PCDHGB6: variants seen among roughly 807,000 people sequenced by gnomAD.
PCDHGB6 encodes the protein protocadherin gamma subfamily B, 6, also known as protocadherin gamma-B6.
PCDHGB6 carries 51 observed loss-of-function variants against 59.1 expected under a neutral mutation model. The ratio of observed to expected loss-of-function variants is 0.86; its 90% CI spans 0.69 to 1.09. The LOEUF (loss-of-function observed/expected upper bound fraction) is 1.09, where lower values mean the gene tolerates loss of function less well. Ranked by LOEUF, PCDHGB6 falls within the 50% of genes least tolerant of loss-of-function variation. PCDHGB6 has a pLI of 0.00. For synonymous variants in PCDHGB6, 466 were observed against 495.1 expected (o/e 0.94, Z 0.78); for missense variants, 1,148 against 1,205.1 (o/e 0.95, Z 0.70).
Position 141,414,015 on chromosome 5 carries a change from A to T in PCDHGB6, c.2418+3395A>T. ...ACAGGGACGAAGGTGCCAATGGAGA[A>T]GTGACATATTCATTCCGAAAATTAC... On this transcript the variant is annotated intron_variant, in intron 1 of 3. Coordinates refer to ENST00000520790, the MANE Select transcript of PCDHGB6 (RefSeq NM_018926.3). 6.2e-7 allele frequency: 1 copy of T among 1,613,160 alleles called. No individual in the cohort carries two copies.
intron 3 of PCDHGB6, 149 bp downstream of exon 3, chr5:141,505,630 A>T: frequency 6.8e-7 from 1 of 1,480,262 alleles, no homozygotes; most frequent in East Asian, 2.4e-5. Flanking sequence ...AATTCCAAAC[A>T]TAAAGCCTGG....
At chr5:141,430,767 C>T in intron 1 of PCDHGB6, 1 of 1,506,782 alleles carries the variant, frequency 6.6e-7, no homozygotes, top group Non-Finnish European at 8.9e-7. Flanking sequence ...AGAATGATTC[C>T]TGCGCGACTG....
chr5:141,506,177 G>T (rs1024892091), intron 3 of PCDHGB6, among the ~76,000 whole-genome samples: 4 of 152,142 alleles, frequency 2.6e-5, no homozygotes, highest in African/African-American at 9.7e-5. Context: ...TAAGCTGGGC[G>T]TGGTGGCTCA....
At chr5:141,442,466 A>T (rs1270035223) in intron 1 of PCDHGB6, 1 of 152,254 alleles carries the variant, frequency 6.6e-6, no homozygotes, top group African/African-American at 2.4e-5. Flanking sequence ...TTCACTGCAG[A>T]AAGCCCCTTG....
At position 141,413,202 on chromosome 5, in the gene PCDHGB6, GGAATC is replaced by G. The variant is rs766359797; in HGVS notation, c.2418+2583_2418+2587del. 6.8e-6 allele frequency: 11 copies of G among 1,611,944 alleles called. No homozygotes were observed. The East Asian group carries it at 2.2e-4, about 33-fold the overall frequency. On this transcript the variant is annotated intron_variant, in intron 1 of 3. Coordinates refer to ENST00000520790, the MANE Select transcript of PCDHGB6 (RefSeq NM_018926.3). ...TGGCCGCTCAAAGGAATCGCTCAAAGGAATCAAAGGATTGCAGCGGGCTGGTCCTG... is the reference window on the plus strand; with the variant it reads ...TGGCCGCTCAAAGGAATCGCTCAAAGAAAGGATTGCAGCGGGCTGGTCCTG...
chr5:141,491,794 TCCGG>T lies in PCDHGB6; in HGVS notation c.2419-3007_2419-3004del. The T allele has an allele frequency of 6.6e-7, 1 of 1,511,056 alleles. No homozygotes were observed. The highest frequency in any genetic ancestry group is 8.8e-7 in the Non-Finnish European group (1 of 1,130,146). 93.6% of individuals were successfully genotyped at this position (1,511,056 alleles called of 1,614,324 possible). A position where few individuals can be genotyped will look rare whatever the true frequency, so the allele number is the denominator to read the frequency against. Reference sequence around the variant, plus strand: ...GGGATTGAACTTGCATCCACTCCTCTCCGGCCGGCTTGGTCGCTGGCTGCGCTCC... The same window carrying T: ...GGGATTGAACTTGCATCCACTCCTCTCCGGCTTGGTCGCTGGCTGCGCTCC... On this transcript the variant is annotated intron_variant, in intron 1 of 3. Transcript: ENST00000520790. The surrounding 1 kb of genome is among the most constrained non-coding windows in gnomAD (Gnocchi z 6.9).
intron 1 of PCDHGB6, chr5:141,427,689 A>C (rs3749765): frequency 0.15 from 132,103 of 873,882 alleles, 11,769 homozygotes; most frequent in African/African-American, 0.33. Flanking sequence ...CGGAGCCTCC[A>C]TCCCACAAGT....
At chr5:141,413,344 G>A in intron 1 of PCDHGB6, 1 of 1,613,986 alleles carries the variant, frequency 6.2e-7, no homozygotes. Context: ...CAAGGACTTG[G>A]GTCTGGCGCC....
At position 141,491,681 on chromosome 5, in the gene PCDHGB6, C is replaced by T; in HGVS notation, c.2419-3126C>T. 6.2e-6 allele frequency: 10 copies of T among 1,613,458 alleles called. No homozygotes were observed. Among genetic ancestry groups the T allele is most frequent in the Non-Finnish European group, 8.5e-6 (10 of 1,179,804 alleles). On this transcript the variant is annotated intron_variant, in intron 1 of 3. Transcript: ENST00000520790. The surrounding 1 kb of genome is among the most constrained non-coding windows in gnomAD (Gnocchi z 6.9). ...GACGCCATCCGGTCCCGCTCTAATA[C>T]GCTGCGGGAGCGGAGCCAGGTGAGG...
Position 141,490,202 on chromosome 5 carries a change from G to A in PCDHGB6, c.2419-4605G>A, listed in dbSNP as rs1594889134. On this transcript the variant is annotated intron_variant, in intron 1 of 3. Coordinates refer to ENST00000520790, the MANE Select transcript of PCDHGB6 (RefSeq NM_018926.3). The surrounding 1 kb of genome is among the most constrained non-coding windows in gnomAD (Gnocchi z 5.4). ...TCACGTTTCTATGAAATTCATGCAA[G>A]AGCCCGTGACCAGGGACAGCCTGCC... 1.2e-6 allele frequency: 2 copies of A among 1,614,220 alleles called. No homozygotes were observed. The highest frequency in any genetic ancestry group is 2.7e-5 in the African/African-American group (2 of 75,060).
At chr5:141,460,795 G>A (rs1007673184) in intron 1 of PCDHGB6, among the ~76,000 whole-genome samples, 3 of 151,492 alleles carry the variant, frequency 2.0e-5, no homozygotes, top group African/African-American at 4.9e-5. Flanking sequence ...TACACACAAA[G>A]TATATATATG....
At chr5:141,478,603 A>C (rs116528962) in intron 1 of PCDHGB6, 173 of 1,563,096 alleles carry the variant, frequency 1.1e-4, no homozygotes, top group Non-Finnish European at 1.4e-4. Context: ...CCTACATCAT[A>C]TTGAGGAAGG....
At chr5:141,488,565 C>T (rs1308485284) in intron 1 of PCDHGB6, among the ~76,000 whole-genome samples, 1 of 152,174 alleles carries the variant, frequency 6.6e-6, no homozygotes, top group Non-Finnish European at 1.5e-5. Flanking sequence ...GAGATTTCCG[C>T]AAAGCATTGC....
intron 2 of PCDHGB6, among the ~76,000 whole-genome samples, chr5:141,497,522 G>A (rs998999424): frequency 3.3e-5 from 5 of 150,848 alleles, no homozygotes; most frequent in African/African-American, 4.9e-5. Flanking sequence ...TAGTTAACTT[G>A]TGGAGGATGC....
At position 141,431,918 on chromosome 5, in the gene PCDHGB6, C is replaced by T; in HGVS notation, c.2418+21298C>T. On this transcript the variant is annotated intron_variant, in intron 1 of 3. Transcript: ENST00000520790. This position sits in a 1 kb window ranked among gnomAD's most constrained non-coding sequence, Gnocchi z 4.8. Reference sequence around the variant, plus strand: ...AAACGGACAGGTGATCTGTTTCATCCAAGGAAATCTGCCCTTTAAATTAGA... The same window carrying T: ...AAACGGACAGGTGATCTGTTTCATCTAAGGAAATCTGCCCTTTAAATTAGA... The T allele has an allele frequency of 6.2e-7, 1 of 1,613,998 alleles. No individual in the cohort carries two copies. The highest frequency in any genetic ancestry group is 8.5e-7 in the Non-Finnish European group (1 of 1,179,862).
chr5:141,451,330 T>C (rs1335156581), intron 1 of PCDHGB6, among the ~76,000 whole-genome samples: 2 of 152,200 alleles, frequency 1.3e-5, no homozygotes, highest in East Asian at 1.9e-4. Context: ...CCTAAGGCTA[T>C]TGTCTTATCT....
At chr5:141,414,358 C>T (rs1414747968) in intron 1 of PCDHGB6, 1 of 1,613,818 alleles carries the variant, frequency 6.2e-7, no homozygotes, top group Non-Finnish European at 8.5e-7. Context: ...GGCGTATCTA[C>T]CATTTAAATT....
rs771681529 is a variant in PCDHGB6 at position 141,486,617 on chromosome 5, C to T, written c.2419-8190C>T. The T allele has an allele frequency of 1.2e-6, 2 of 1,613,602 alleles. No individual in the cohort carries two copies. Among genetic ancestry groups the T allele is most frequent in the Non-Finnish European group, 1.7e-6 (2 of 1,180,036 alleles). On this transcript the variant is annotated intron_variant, in intron 1 of 3. Coordinates refer to ENST00000520790, the MANE Select transcript of PCDHGB6 (RefSeq NM_018926.3). The surrounding 1 kb of genome is among the most constrained non-coding windows in gnomAD (Gnocchi z 5.0). ...GCTTTGCTCCCTTGCAGCCTCTGAC[C>T]CAGACTCTGGCTTGAATGCGCTTAT...
Position 141,489,829 on chromosome 5 carries a change from G to T in PCDHGB6, c.2419-4978G>T, listed in dbSNP as rs1445416879. 6.2e-7 allele frequency: 1 copy of T among 1,614,076 alleles called. No individual in the cohort carries two copies. Among genetic ancestry groups the T allele is most frequent in the South Asian group, 1.1e-5 (1 of 91,070 alleles). ...GAAGCCATTCCCAGAGCTGGTGCTA[G>T]AGCAGCAGCTGGATCGTGAAGCCCA... On this transcript the variant is annotated intron_variant, in intron 1 of 3. Coordinates refer to ENST00000520790, the MANE Select transcript of PCDHGB6 (RefSeq NM_018926.3). The surrounding 1 kb of genome is among the most constrained non-coding windows in gnomAD (Gnocchi z 4.5).
Sources: allele counts gnomAD v4.1 joint callset (sites outside exome capture counted in the v4.1 genomes callset), GRCh38; gene constraint gnomAD v4.1.1; non-coding constraint Gnocchi (gnomAD v3.1); transcripts MANE v1.5; gene names NCBI Gene and HGNC (gene_info 2026-07-23, HGNC 2026-07-21).